Variants in TBCD observed in about 807,000 individuals in gnomAD.
TBCD encodes tubulin folding cofactor D.
A neutral mutation model predicts 169.3 loss-of-function variants in TBCD; 105 were observed. The ratio of observed to expected loss-of-function variants is 0.62; its 90% confidence interval spans 0.53 to 0.73. The LOEUF (loss-of-function observed/expected upper bound fraction) is 0.73, where lower values mean the gene tolerates loss of function less well. Among genes scored for constraint, TBCD ranks in the 30% least tolerant of loss-of-function variants. The pLI is 0.00. For synonymous variants in TBCD, 700 were observed against 643.9 expected, an observed-to-expected ratio of 1.09 and a Z score of -1.32; for missense variants, 1,444 against 1,600.1, an observed-to-expected ratio of 0.90 and a Z score of 1.66.
At chr17:82,847,997 G>A (rs547779680) in intron 13 of TBCD, among the ~76,000 whole-genome samples, 63 of 152,284 alleles carry the variant, frequency 4.1e-4, no homozygotes, top group African/African-American at 1.4e-3. Context: ...TAGAGCAAAC[G>A]GCCCCTGTCT....
At position 82,930,152 on chromosome 17, in the gene TBCD, C is replaced by A. The variant is rs2062078601; in HGVS notation, c.2992-370C>A. 1 of 295,416 alleles carries A rather than the reference C, an allele frequency of 3.4e-6. No individual in the cohort carries two copies. Among genetic ancestry groups the A allele is most frequent in the Non-Finnish European group, 6.5e-6 (1 of 154,724 alleles). 18.3% of individuals were successfully genotyped at this position (295,416 alleles called of 1,614,324 possible). ...CGGGCGCGTGCGGGGAGACCCGGGC[C>A]ACATGCGAGCGGGGCCCCGAGACAT... is the stretch of plus-strand genomic sequence containing the variant. On this transcript the variant is annotated intron_variant, in intron 32 of 38. Coordinates refer to ENST00000355528, the MANE Select transcript of TBCD (RefSeq NM_005993.5). The surrounding 1 kb of genome is among the most constrained non-coding windows in gnomAD (Gnocchi z 5.2).
intron 9 of TBCD, among the ~76,000 whole-genome samples, chr17:82,801,372 G>A (rs1387902453): frequency 6.6e-6 from 1 of 152,186 alleles, no homozygotes; most frequent in Admixed American, 6.5e-5. Context: ...TTTTCTTTTG[G>A]TTATTTTCTG....
rs2060042349 is a variant in TBCD, at chr17:82,903,724, G to A, written c.1804+246G>A. Among the ~76,000 whole-genome samples, 3 of 152,174 alleles carry A rather than the reference G, an allele frequency of 2.0e-5. No individual in the cohort carries two copies. The highest frequency in any genetic ancestry group is 7.2e-5 in the African/African-American group (3 of 41,446). On this transcript the variant is annotated intron_variant, in intron 19 of 38. Coordinates refer to ENST00000355528, the MANE Select transcript of TBCD (RefSeq NM_005993.5). The surrounding 1 kb of genome is among the most constrained non-coding windows in gnomAD (Gnocchi z 4.8). ...GTACACCGGAGCCCGTGATGGTCCC[G>A]CCGGATGCCTGACATGCAGTGCTGC... is the stretch of plus-strand genomic sequence containing the variant.
rs370003115 is a variant in TBCD at position 82,884,224 on chromosome 17, T to C, written c.1533+22T>C. Reference sequence around the variant, plus strand: ...CTCTGTAAGTTTTCTCATTTTGATATTTCCTTTCCTGAAGGTGGGGGGTGG... The same window carrying C: ...CTCTGTAAGTTTTCTCATTTTGATACTTCCTTTCCTGAAGGTGGGGGGTGG... On this transcript the variant is annotated intron_variant, in intron 15 of 38. Coordinates refer to ENST00000355528, the MANE Select transcript of TBCD (RefSeq NM_005993.5). This position sits in a 1 kb window ranked among gnomAD's most constrained non-coding sequence, Gnocchi z 4.2. 307 of 1,586,604 alleles carry C rather than the reference T, an allele frequency of 1.9e-4. No individual in the cohort carries two copies. The highest frequency in any genetic ancestry group is 2.5e-4 in the Non-Finnish European group (286 of 1,165,058).
At chr17:82,855,223 G>C (rs1428608902) in intron 13 of TBCD, among the ~76,000 whole-genome samples, 1 of 144,224 alleles carries the variant, frequency 6.9e-6, no homozygotes, top group African/African-American at 2.6e-5. Context: ...GAGGGGCAGG[G>C]AAAGGTGTTT....
intron 16 of TBCD, among the ~76,000 whole-genome samples, chr17:82,892,517 C>T (rs545615633): frequency 6.6e-5 from 10 of 152,294 alleles, no homozygotes; most frequent in African/African-American, 2.2e-4. Flanking sequence ...GGTACCTGCT[C>T]ATTCCGGCCT....
intron 12 of TBCD, 79 bp from the exon 13 acceptor site, chr17:82,814,761 T>A: frequency 7.3e-7 from 1 of 1,373,412 alleles, no homozygotes; most frequent in Non-Finnish European, 1.0e-6. Context: ...CCTGCCAGGC[T>A]GTGCTCCTTG....
At chr17:82,820,151 T>A (rs1030245785) in intron 13 of TBCD, among the ~76,000 whole-genome samples, 1 of 152,026 alleles carries the variant, frequency 6.6e-6, no homozygotes, top group Non-Finnish European at 1.5e-5. Flanking sequence ...CCAATTTTTT[T>A]ATTTTTAGTA....
chr17:82,791,412 T>C (rs1433517738), intron 7 of TBCD, among the ~76,000 whole-genome samples: 1 of 152,182 alleles, frequency 6.6e-6, no homozygotes, highest in Non-Finnish European at 1.5e-5. Flanking sequence ...ACCTCTTTTC[T>C]AGCATCTTAC....
chr17:82,938,097 C>T lies in TBCD; in HGVS notation c.3330C>T (p.Leu1110=). The T allele has an allele frequency of 1.2e-6, 2 of 1,612,922 alleles. No individual in the cohort carries two copies. Among genetic ancestry groups the T allele is most frequent in the Admixed American group, 1.7e-5 (1 of 60,030 alleles). Residue 1110 remains leucine (L), a synonymous_variant, in exon 36 of 39, where the codon CTC becomes CTT. Coordinates refer to ENST00000355528, the MANE Select transcript of TBCD (RefSeq NM_005993.5). ...CCGGCGACGTGAGGAGGCAGGCCCT[C>T]CTGCAGCTGTGTCTGCTCCTCTGCC... ...QFPGDVRRQA[L]LQLCLLLCHR... is the part of the protein sequence containing the mutation.
At chr17:82,936,453 G>A (rs1304921258) in intron 34 of TBCD, among the ~76,000 whole-genome samples, 3 of 152,298 alleles carry the variant, frequency 2.0e-5, no homozygotes, top group Admixed American at 6.5e-5. Flanking sequence ...GTGTGTCTGA[G>A]TTGCAACCTG....
In TBCD at chr17:82,789,367, C is replaced by A. The variant is rs2049534887; in HGVS notation, c.771+7646C>A. On this transcript the variant is annotated intron_variant, in intron 7 of 38. Transcript: ENST00000355528. This position sits in a 1 kb window ranked among gnomAD's most constrained non-coding sequence, Gnocchi z 4.8. ...GCCCATCCCTGCTGAGGTGGCGCGA[C>A]CTGCTCACAGACGTGTGCTCACAGG... Among the ~76,000 whole-genome samples, 1 of 152,240 alleles carries A rather than the reference C, an allele frequency of 6.6e-6. No homozygotes were observed. The highest frequency in any genetic ancestry group is 2.4e-5 in the African/African-American group (1 of 41,458).
rs183920228 is a variant in TBCD at position 82,891,487 on chromosome 17, G to A, written c.1563+1790G>A. On this transcript the variant is annotated intron_variant, in intron 16 of 38. Coordinates refer to ENST00000355528, the MANE Select transcript of TBCD (RefSeq NM_005993.5). ...AGACTTTGAAAGAAATGCAAGACGCGCAGGTGCGGAGCGTCTCCCAGCCCC... is the reference window on the plus strand; with the variant it reads ...AGACTTTGAAAGAAATGCAAGACGCACAGGTGCGGAGCGTCTCCCAGCCCC... 8.7e-4 allele frequency among the ~76,000 whole-genome samples: 132 copies of A among 152,336 alleles called. 1 individual carries two copies. In the Middle Eastern group the frequency reaches 0.01, roughly 12 times the overall value.
intron 14 of TBCD, among the ~76,000 whole-genome samples, chr17:82,875,054 G>T (rs1003325611): frequency 1.3e-5 from 2 of 152,166 alleles, no homozygotes; most frequent in Non-Finnish European, 2.9e-5. Context: ...CAGTTCGGGG[G>T]TTTAGTGGCT....
At chr17:82,777,032 T>G (rs2048642952) in intron 6 of TBCD, among the ~76,000 whole-genome samples, 1 of 152,172 alleles carries the variant, frequency 6.6e-6, no homozygotes, top group Admixed American at 6.5e-5. Flanking sequence ...GCGATGGGTA[T>G]TGCCCCAGGT....
rs370397380 is a variant in TBCD at position 82,854,205 on chromosome 17, C to T, written c.1319-16019C>T. Among the ~76,000 whole-genome samples the T allele has an allele frequency of 1.2e-4, 19 of 152,278 alleles. No homozygotes were observed. In the East Asian group the frequency reaches 2.1e-3, roughly 17 times the overall value. On this transcript the variant is annotated intron_variant, in intron 13 of 38. Coordinates refer to ENST00000355528, the MANE Select transcript of TBCD (RefSeq NM_005993.5). ...CACCCTGAATCCGAAAATCCAAAAC[C>T]GAAAACTTTTTGAATGCTGAGTTGA...
chr17:82,860,095 C>A (rs1421535336), intron 13 of TBCD, among the ~76,000 whole-genome samples: 1 of 152,194 alleles, frequency 6.6e-6, no homozygotes, highest in Non-Finnish European at 1.5e-5. Flanking sequence ...GCTGGGAGTC[C>A]TAGGCAGTGA....
chr17:82,922,725 C>T lies in TBCD; in HGVS notation c.2179-927C>T, dbSNP rs953769458. On this transcript the variant is annotated intron_variant, in intron 25 of 38. Coordinates refer to ENST00000355528, the MANE Select transcript of TBCD (RefSeq NM_005993.5). The surrounding 1 kb of genome is among the most constrained non-coding windows in gnomAD (Gnocchi z 4.1). ...GTGGAATGCAGCACCCTGTAGACGA[C>T]GCACCTCCTCTGCTCATGGCCCCCA... Among the ~76,000 whole-genome samples the T allele has an allele frequency of 1.1e-4, 17 of 152,346 alleles. No individual in the cohort carries two copies. Among genetic ancestry groups the T allele is most frequent in the South Asian group, 6.2e-4 (3 of 4,830 alleles).
In TBCD at chr17:82,930,884, C is replaced by T. The variant is rs544389730; in HGVS notation, c.3113+241C>T. 1.1e-4 allele frequency among the ~76,000 whole-genome samples: 16 copies of T among 152,286 alleles called. No homozygotes were observed. Among genetic ancestry groups the T allele is most frequent in the African/African-American group, 3.6e-4 (15 of 41,538 alleles). ...CCTCCACATGAGGCAGGGAAATGAC[C>T]GTTGTGTGTACAATGGACGTAAAGG... On this transcript the variant is annotated intron_variant, in intron 33 of 38. Transcript: ENST00000355528. This position sits in a 1 kb window ranked among gnomAD's most constrained non-coding sequence, Gnocchi z 5.2.
Sources: allele counts gnomAD v4.1 joint callset (sites outside exome capture counted in the v4.1 genomes callset), GRCh38; gene constraint gnomAD v4.1.1; non-coding constraint Gnocchi (gnomAD v3.1); transcripts MANE v1.5; gene names NCBI Gene and HGNC (gene_info 2026-07-23, HGNC 2026-07-21).